The following FAM241B variants were observed in gnomAD, a reference collection of about 807,000 sequenced individuals.
FAM241B encodes protein FAM241B.
Under a neutral mutation model 9.3 loss-of-function variants are expected in FAM241B, and 7 were observed. That is an observed-to-expected ratio of 0.75 (90% confidence interval 0.43 to 1.41). The LOEUF (loss-of-function observed/expected upper bound fraction) is 1.41. Ranked by LOEUF, FAM241B falls within the 40% of genes most tolerant of loss-of-function variation. The pLI is 0.01. For synonymous variants in FAM241B, 60 were observed against 64.1 expected (o/e 0.94, Z 0.31); for missense variants, 136 against 159.6 (o/e 0.85, Z 0.80).
Position 69,633,120 on chromosome 10 carries a change from G to A in FAM241B, c.*61G>A, listed in dbSNP as rs1378130298. On this transcript the variant is annotated 3_prime_UTR_variant, in exon 4 of 4. Coordinates refer to ENST00000373279, the MANE Select transcript of FAM241B (RefSeq NM_145306.3). ...GGACTTGCTGGGCCTTGGTGTGAGA[G>A]CAGGCATATTTGGAGGGGATCTGGT... is the stretch of plus-strand genomic sequence containing the variant. The A allele has an allele frequency of 1.1e-5, 17 of 1,591,836 alleles. No individual in the cohort carries two copies. The East Asian group carries it at 1.6e-4, about 15-fold the overall frequency.
chr10:69,631,491 A>G lies in FAM241B; in HGVS notation c.-92A>G, dbSNP rs2133256245. 1.3e-6 allele frequency: 2 copies of G among 1,528,250 alleles called. No homozygotes were observed. Among genetic ancestry groups the G allele is most frequent in the Non-Finnish European group, 1.8e-6 (2 of 1,132,544 alleles). The allele number at this position is 1,528,250 out of a possible 1,614,324, so 94.7% of individuals were successfully genotyped here. A position where few individuals can be genotyped will look rare whatever the true frequency, so the allele number is the denominator to read the frequency against. ...TTTTTGTTAATCAGACACAGCATCT[A>G]CTCAGCGTGGGTCACCTCTGTGAAC... On this transcript the variant is annotated 5_prime_UTR_variant, in exon 2 of 4. Transcript: ENST00000373279.
In FAM241B at chr10:69,633,364, G is replaced by A. The variant is rs1215363211; in HGVS notation, c.*305G>A. ...CCAATTCTCTCAATCCTTTTATGCC[G>A]AGAAGATCTCAGCTGGATGCCAACA... On this transcript the variant is annotated 3_prime_UTR_variant, in exon 4 of 4. Coordinates refer to ENST00000373279, the MANE Select transcript of FAM241B (RefSeq NM_145306.3). 7 of 428,032 alleles carry A rather than the reference G, an allele frequency of 1.6e-5. No individual in the cohort carries two copies. Among genetic ancestry groups the A allele is most frequent in the African/African-American group, 2.0e-5 (1 of 50,234 alleles). 26.5% of individuals were successfully genotyped at this position (428,032 alleles called of 1,614,324 possible). A position where few individuals can be genotyped will look rare whatever the true frequency, so the allele number is the denominator to read the frequency against.
rs4614328 is a variant in FAM241B, at chr10:69,632,562, T to C, written c.97-228T>C. On this transcript the variant is annotated intron_variant, in intron 3 of 3. Coordinates refer to ENST00000373279, the MANE Select transcript of FAM241B (RefSeq NM_145306.3). ...CAACCTGCCTCAACCACTTCCTCTC[T>C]CCTCTGTCCTGGGCCTGATGTGAGG... 4.4e-4 allele frequency among the ~76,000 whole-genome samples: 66 copies of C among 151,670 alleles called. 1 individual carries two copies. In the East Asian group the frequency reaches 4.5e-3, roughly 10 times the overall value.
chr10:69,632,760 C>G, intron 3 of FAM241B, 30 bp from the exon 4 acceptor site: 1 of 1,602,542 alleles, frequency 6.2e-7, no homozygotes, highest in Non-Finnish European at 8.5e-7. Context: ...CCCAATGATT[C>G]ATTCATCTCT....
chr10:69,630,853 C>G (rs1275746056), intron 1 of FAM241B, among the ~76,000 whole-genome samples: 2 of 152,108 alleles, frequency 1.3e-5, no homozygotes, highest in Admixed American at 6.5e-5. Flanking sequence ...GTGTTCCCTG[C>G]GAAGTGAGGG....
chr10:69,633,087 G>T lies in FAM241B; in HGVS notation c.*28G>T, dbSNP rs960835830. The stretch of plus-strand genomic sequence containing the variant: ...TCTGAGGGCTGATAGGGGTGGGTTT[G>T]TTGAGAGGGACTTGCTGGGCCTTGG... On this transcript the variant is annotated 3_prime_UTR_variant, in exon 4 of 4. Transcript: ENST00000373279. 6 of 1,611,790 alleles carry T rather than the reference G, an allele frequency of 3.7e-6. No homozygotes were observed. The African/African-American group carries it at 8.0e-5, about 22-fold the overall frequency.
chr10:69,631,214 T>A (rs1011929683), intron 1 of FAM241B, among the ~76,000 whole-genome samples: 1 of 152,196 alleles, frequency 6.6e-6, no homozygotes, highest in African/African-American at 2.4e-5. Context: ...TCCCTGTGCC[T>A]CCGCCTGTGC....
At position 69,632,967 on chromosome 10, in the gene FAM241B, A is replaced by T. The variant is rs1172889297; in HGVS notation, c.274A>T (p.Ile92Phe). The stretch of plus-strand genomic sequence containing the variant: ...CCATGCTGTGGAGCCGGTGACCTCC[A>T]TCCTGCTCCTCTTCCTGCTCATGAT... ...GNHAVEPVTS[I>F]LLLFLLMMLG... The change falls in exon 4 of 4, where the codon ATC becomes TTC. Residue 92 changes from isoleucine to phenylalanine, a missense_variant. By Grantham distance (21) the Ile-to-Phe change is conservative (BLOSUM62 0). Coordinates refer to ENST00000373279, the MANE Select transcript of FAM241B (RefSeq NM_145306.3). 1 of 1,614,084 alleles carries T rather than the reference A, an allele frequency of 6.2e-7. No homozygotes were observed. Among genetic ancestry groups the T allele is most frequent in the East Asian group, 2.2e-5 (1 of 44,878 alleles).
chr10:69,630,310 G>C lies in FAM241B; in HGVS notation c.-107G>C, dbSNP rs1291564998. 1 of 152,800 alleles carries C rather than the reference G, an allele frequency of 6.5e-6. No individual in the cohort carries two copies. The highest frequency in any genetic ancestry group is 1.9e-4 in the East Asian group (1 of 5,178). 9.5% of individuals were successfully genotyped at this position (152,800 alleles called of 1,614,324 possible). A position where few individuals can be genotyped will look rare whatever the true frequency, so the allele number is the denominator to read the frequency against. On this transcript the variant is annotated 5_prime_UTR_variant, in exon 1 of 4. Coordinates refer to ENST00000373279, the MANE Select transcript of FAM241B (RefSeq NM_145306.3). ...GCCGCCGAGGCCCGGAGTCGCGCCT[G>C]CAGGTGAGTCGCCGCGCCGGGGAGG...
intron 2 of FAM241B, 40 bp downstream of exon 2, chr10:69,631,587 A>T (rs1049733900): frequency 6.5e-7 from 1 of 1,547,566 alleles, no homozygotes; most frequent in Non-Finnish European, 8.7e-7. Flanking sequence ...TCAGGGGGAA[A>T]ATCCTCCACA....
rs753148471 is a variant in FAM241B at position 69,632,845 on chromosome 10, A to G, written c.152A>G (p.Gln51Arg). 6.2e-7 allele frequency: 1 copy of G among 1,614,200 alleles called. No homozygotes were observed. Among genetic ancestry groups the G allele is most frequent in the Non-Finnish European group, 8.5e-7 (1 of 1,180,022 alleles). ...APPGGPGPRQ[Q>R]QAGARLGAAQ... ...CCAGGGGGTCCTGGCCCCCGCCAGC[A>G]GCAGGCAGGTGCCAGGCTGGGTGCT... The change falls in exon 4 of 4, where the codon CAG becomes CGG. Residue 51 changes from glutamine (Q) to arginine (R), a missense_variant. Transcript: ENST00000373279.
chr10:69,632,747 C>A (rs772941500), intron 3 of FAM241B, 43 bp from the exon 4 acceptor site: 12 of 1,593,948 alleles, frequency 7.5e-6, no homozygotes, highest in African/African-American at 2.7e-5. Context: ...GCTGGTGCGT[C>A]AACCCAATGA....
At chr10:69,632,649 G>A (rs574865992) in intron 3 of FAM241B, 141 bp from the exon 4 acceptor site, 8 of 896,396 alleles carry the variant, frequency 8.9e-6, no homozygotes, top group Admixed American at 2.7e-5. Context: ...GATTCTTATG[G>A]GTGGCATGGG....
In FAM241B at chr10:69,631,713, A is replaced by C. The variant is rs373954097; in HGVS notation, c.-31A>C. 94 of 1,606,680 alleles carry C rather than the reference A, an allele frequency of 5.9e-5. No individual in the cohort carries two copies. In the African/African-American group the frequency reaches 1.2e-3, roughly 21 times the overall value. On this transcript the variant is annotated 5_prime_UTR_variant, in exon 3 of 4. Coordinates refer to ENST00000373279, the MANE Select transcript of FAM241B (RefSeq NM_145306.3). ...CACCCTGACCACACAATGCAGGTGC[A>C]GCCCATCAGGGACCCACAGCGCCTG... is the stretch of plus-strand genomic sequence containing the variant.
chr10:69,631,631 G>T, intron 2 of FAM241B, 78 bp from the exon 3 acceptor site: 7 of 1,552,554 alleles, frequency 4.5e-6, no homozygotes, highest in Non-Finnish European at 6.1e-6. Context: ...ATCACTAACA[G>T]CTAAAGGTTT....
At chr10:69,630,761 A>G in intron 1 of FAM241B, 2 of 988,264 alleles carry the variant, frequency 2.0e-6, no homozygotes, top group Non-Finnish European at 2.6e-6. Context: ...CGCGGAGTGG[A>G]GCCTTTCGAG....
In FAM241B at chr10:69,633,116, G is replaced by A. The variant is rs1839860789; in HGVS notation, c.*57G>A. ...AGAGGGACTTGCTGGGCCTTGGTGT[G>A]AGAGCAGGCATATTTGGAGGGGATC... On this transcript the variant is annotated 3_prime_UTR_variant, in exon 4 of 4. Transcript: ENST00000373279. 2 of 1,596,212 alleles carry A rather than the reference G, an allele frequency of 1.3e-6. No individual in the cohort carries two copies. Among genetic ancestry groups the A allele is most frequent in the South Asian group, 1.1e-5 (1 of 88,996 alleles).
At chr10:69,632,236 G>A (rs546543160) in intron 3 of FAM241B, among the ~76,000 whole-genome samples, 19 of 152,100 alleles carry the variant, frequency 1.2e-4, no homozygotes, top group Admixed American at 5.2e-4. Flanking sequence ...TGAGGTGGGC[G>A]GATCAGGAGG....
chr10:69,632,896 A>T lies in FAM241B; in HGVS notation c.203A>T (p.Asn68Ile). 6.2e-7 allele frequency: 1 copy of T among 1,614,200 alleles called. No homozygotes were observed. The highest frequency in any genetic ancestry group is 1.3e-5 in the African/African-American group (1 of 75,032). The part of the protein sequence containing the change: ...GAAQSPFNDL[N>I]RQLVNMGFPQ... ...GCTCAGTCCCCCTTCAATGACCTCA[A>T]CCGGCAGCTGGTGAACATGGGCTTT... Residue 68 changes from asparagine to isoleucine, a missense_variant, in exon 4 of 4, where the codon AAC (asparagine) becomes ATC (isoleucine). Coordinates refer to ENST00000373279, the MANE Select transcript of FAM241B (RefSeq NM_145306.3).
Sources: gnomAD v4.1 joint callset for allele counts (sites outside exome capture counted in the v4.1 genomes callset) on GRCh38, gnomAD v4.1.1 for gene constraint, MANE v1.5 for transcripts, NCBI Gene and HGNC (gene_info 2026-07-23, HGNC 2026-07-21) for gene names.